Variants in LAMA2 observed in about 807,000 individuals in gnomAD.
The protein encoded by LAMA2 is laminin subunit alpha 2, also known as laminin subunit alpha-2.
LAMA2 carries 269 observed loss-of-function variants against 364.8 expected under a neutral mutation model. The ratio of observed to expected loss-of-function variants is 0.74; its 90% CI spans 0.67 to 0.82. The LOEUF (loss-of-function observed/expected upper bound fraction) is 0.82. Among genes scored for constraint, LAMA2 ranks in the 40% least tolerant of loss-of-function variants. The pLI is 0.00. For synonymous variants in LAMA2, 1,379 were observed against 1,370.6 expected (o/e 1.01, Z -0.14); for missense variants, 3,807 against 3,873.2 (o/e 0.98, Z 0.45).
At chr6:129,406,222 C>G (rs1780241530) in intron 40 of LAMA2, among the ~76,000 whole-genome samples, 1 of 152,090 alleles carries the variant, frequency 6.6e-6, no homozygotes. Flanking sequence ...CATAGACAAT[C>G]AAGAATCACA....
intron 4 of LAMA2, among the ~76,000 whole-genome samples, chr6:129,123,828 A>G (rs1393400612): frequency 6.6e-6 from 1 of 152,246 alleles, no homozygotes; most frequent in Non-Finnish European, 1.5e-5. Flanking sequence ...CATAGTGCCT[A>G]GACTTAACAT....
chr6:129,216,442 T>C (rs955539711), intron 12 of LAMA2, among the ~76,000 whole-genome samples: 2 of 152,182 alleles, frequency 1.3e-5, no homozygotes, highest in African/African-American at 4.8e-5. Context: ...TTGCAATAAG[T>C]AGATTTTTAC....
chr6:129,359,725 A>G (rs1235517387), intron 32 of LAMA2, among the ~76,000 whole-genome samples: 1 of 146,660 alleles, frequency 6.8e-6, no homozygotes, highest in African/African-American at 2.7e-5. Context: ...GAATTTATGT[A>G]TCGCTACCTA....
chr6:129,062,495 T>C (rs900818137), intron 3 of LAMA2, among the ~76,000 whole-genome samples: 1 of 152,162 alleles, frequency 6.6e-6, no homozygotes, highest in Non-Finnish European at 1.5e-5. Flanking sequence ...CACTATCTTC[T>C]CCTGGCTTCT....
intron 1 of LAMA2, among the ~76,000 whole-genome samples, chr6:129,023,548 C>A (rs917980162): frequency 6.6e-6 from 1 of 152,178 alleles, no homozygotes; most frequent in Non-Finnish European, 1.5e-5. Flanking sequence ...TGAGTGTCAG[C>A]AAAGACGCCT....
At chr6:128,917,672 A>ACT (rs1374200525) in intron 1 of LAMA2, among the ~76,000 whole-genome samples, 2 of 124,262 alleles carry the variant, frequency 1.6e-5, no homozygotes, top group Non-Finnish European at 3.6e-5. Context: ...TTTATTTTAT[A>ACT]CTCTCACCCT....
At chr6:128,909,441 A>C (rs1177673808) in intron 1 of LAMA2, among the ~76,000 whole-genome samples, 7 of 151,246 alleles carry the variant, frequency 4.6e-5, no homozygotes, top group African/African-American at 1.5e-4. Flanking sequence ...CTGTTTTATC[A>C]GAGACTAGGA....
intron 12 of LAMA2, among the ~76,000 whole-genome samples, chr6:129,237,166 AT>A (rs1188959921): frequency 6.6e-6 from 1 of 152,210 alleles, no homozygotes; most frequent in Non-Finnish European, 1.5e-5. Flanking sequence ...ATGAATGAAC[AT>A]ATCCAAAGCC....
rs1040655437 is a variant in LAMA2 at position 129,172,529 on chromosome 6, C to T, written c.1307-5177C>T. On this transcript the variant is annotated intron_variant, in intron 9 of 64. Transcript: ENST00000421865. ...GACCCACTTGAGGAGGCAGTCTGCC[C>T]GTTCTTAGATCTCCAGCTGCGTGCT... Among the ~76,000 whole-genome samples the T allele has an allele frequency of 5.3e-5, 8 of 152,352 alleles. No homozygotes were observed. In the East Asian group the frequency reaches 7.7e-4, roughly 15 times the overall value.
chr6:128,997,055 T>G (rs1345886125), intron 1 of LAMA2, among the ~76,000 whole-genome samples: 2 of 150,450 alleles, frequency 1.3e-5, no homozygotes, highest in Non-Finnish European at 3.0e-5. Flanking sequence ...ATGTTCTCAC[T>G]CATAAGTGGG....
At chr6:129,294,029 A>G (rs1404305752) in intron 20 of LAMA2, among the ~76,000 whole-genome samples, 6 of 152,220 alleles carry the variant, frequency 3.9e-5, no homozygotes, top group East Asian at 1.9e-4. Context: ...GCAAATGCCA[A>G]GAGGTTTCCT....
chr6:129,267,218 TG>T lies in LAMA2; in HGVS notation c.2322+1del. 6.3e-7 allele frequency: 1 copy of T among 1,589,734 alleles called. No homozygotes were observed. Among genetic ancestry groups the T allele is most frequent in the South Asian group, 1.1e-5 (1 of 90,620 alleles). On this transcript the variant is annotated frameshift_variant and splice_region_variant, in exon 16 of 65. Transcript: ENST00000421865. LOFTEE classifies it high-confidence loss of function. Reference sequence around the variant, plus strand: ...TGTGATGACGTCACTGGAGAATGCCTGGTAAGTGCTCTCTTCTTTGGGGATG... The same window carrying T: ...TGTGATGACGTCACTGGAGAATGCCTGTAAGTGCTCTCTTCTTTGGGGATG... Reference protein sequence around the residue: ...ESCDDVTGECLNCKDHTGGPY... With the variant: ...ESCDDVTGECXNCKDHTGGPY...
At chr6:128,914,998 A>T (rs1778223797) in intron 1 of LAMA2, among the ~76,000 whole-genome samples, 1 of 152,162 alleles carries the variant, frequency 6.6e-6, no homozygotes, top group Non-Finnish European at 1.5e-5. Flanking sequence ...AAGTAAAAGT[A>T]CAATTAAGAC....
At chr6:129,321,873 G>A (rs1774988789) in intron 28 of LAMA2, among the ~76,000 whole-genome samples, 2 of 152,226 alleles carry the variant, frequency 1.3e-5, no homozygotes, top group South Asian at 4.2e-4. Context: ...GAGGGACATG[G>A]CATCATGAAA....
At chr6:128,883,829 CACACACATAT>C (rs775093967) in intron 1 of LAMA2, among the ~76,000 whole-genome samples, 2,292 of 119,594 alleles carry the variant, frequency 0.019, 41 homozygotes, top group African/African-American at 0.07. Flanking sequence ...CACACACACA[CACACACATAT>C]ATATATATAT....
intron 4 of LAMA2, among the ~76,000 whole-genome samples, chr6:129,107,766 C>G (rs529289766): frequency 2.3e-4 from 35 of 152,168 alleles, no homozygotes; most frequent in Non-Finnish European, 4.0e-4. Context: ...GGTCAAATAA[C>G]TTTCCCAGGG....
At chr6:128,954,744 G>A (rs1183669453) in intron 1 of LAMA2, among the ~76,000 whole-genome samples, 6 of 151,896 alleles carry the variant, frequency 4.0e-5, no homozygotes, top group Non-Finnish European at 5.9e-5. Flanking sequence ...AAATCATAGA[G>A]GGGGATCTTT....
intron 1 of LAMA2, among the ~76,000 whole-genome samples, chr6:128,939,653 G>T (rs1017545181): frequency 1.3e-5 from 2 of 152,146 alleles, no homozygotes; most frequent in Admixed American, 1.3e-4. Flanking sequence ...AGTCCAAAAT[G>T]TAGGGTCATT....
intron 28 of LAMA2, among the ~76,000 whole-genome samples, chr6:129,325,876 G>C (rs1775248283): frequency 6.6e-6 from 1 of 152,080 alleles, no homozygotes; most frequent in East Asian, 1.9e-4. Flanking sequence ...GTCTCGCTTT[G>C]TCACTCAGGC....
Sources: gnomAD v4.1 joint callset for allele counts (sites outside exome capture counted in the v4.1 genomes callset) on GRCh38, gnomAD v4.1.1 for gene constraint, MANE v1.5 for transcripts, NCBI Gene and HGNC (gene_info 2026-07-23, HGNC 2026-07-21) for gene names.